ATP8A2: variants seen among roughly 807,000 people sequenced by gnomAD.
ATP8A2 encodes the protein ATPase phospholipid transporting 8A2, also known as phospholipid-transporting ATPase IB.
Under a neutral mutation model 165.6 loss-of-function variants are expected in ATP8A2, and 100 were observed. That is an observed-to-expected ratio of 0.60 (90% CI 0.51 to 0.71). ATP8A2 has a LOEUF of 0.71. Among genes scored for constraint, ATP8A2 ranks in the 30% least tolerant of loss-of-function variants. The probability of loss-of-function intolerance (pLI) is 0.00; values close to 1 mark genes in which losing one functional copy is unlikely to be tolerated. For missense variants in ATP8A2, 1,227 were observed against 1,479.5 expected, an observed-to-expected ratio of 0.83 and a Z score of 2.80; for synonymous variants, 543 against 548.8, an observed-to-expected ratio of 0.99 and a Z score of 0.15.
intron 2 of ATP8A2, among the ~76,000 whole-genome samples, chr13:25,504,802 T>C (rs1215649648): frequency 6.6e-6 from 1 of 151,268 alleles, no homozygotes; most frequent in Non-Finnish European, 1.5e-5. Flanking sequence ...CTTTATAGTG[T>C]GATGGGAAAG....
intron 25 of ATP8A2, among the ~76,000 whole-genome samples, chr13:25,704,933 C>T (rs2043024924): frequency 6.6e-6 from 1 of 152,096 alleles, no homozygotes; most frequent in South Asian, 2.1e-4. Flanking sequence ...CATTGTCACA[C>T]GTTTATTACT....
At chr13:25,712,454 G>T (rs1457199666) in intron 25 of ATP8A2, among the ~76,000 whole-genome samples, 1 of 152,186 alleles carries the variant, frequency 6.6e-6, no homozygotes, top group Non-Finnish European at 1.5e-5. Context: ...GGAAGGTGAA[G>T]GATTCTCCCA....
At chr13:25,682,743 C>T (rs2042518800) in intron 24 of ATP8A2, among the ~76,000 whole-genome samples, 1 of 152,138 alleles carries the variant, frequency 6.6e-6, no homozygotes, top group African/African-American at 2.4e-5. Flanking sequence ...TATTGGTTTA[C>T]AACAACATTA....
intron 24 of ATP8A2, among the ~76,000 whole-genome samples, chr13:25,591,635 A>G (rs1169504244): frequency 1.4e-4 from 19 of 133,194 alleles, no homozygotes; most frequent in Middle Eastern, 9.5e-3. Flanking sequence ...GCCAGGTTGG[A>G]GTGCTGTGCC....
chr13:25,493,512 A>G (rs2036585647), intron 2 of ATP8A2, among the ~76,000 whole-genome samples: 1 of 152,128 alleles, frequency 6.6e-6, no homozygotes. Context: ...GGCTTAGTTG[A>G]GAAAGCTCAC....
rs1955431953 is a variant in ATP8A2, at chr13:25,953,539, AAAAAAAAG to A, written c.3184-8035_3184-8028del. Among the ~76,000 whole-genome samples the A allele has an allele frequency of 7.1e-6, 1 of 141,742 alleles. No homozygotes were observed. Among genetic ancestry groups the A allele is most frequent in the Non-Finnish European group, 1.5e-5 (1 of 64,522 alleles). 93.0% of individuals were successfully genotyped at this position (141,742 alleles called of 152,430 possible). On this transcript the variant is annotated intron_variant, in intron 33 of 36. Coordinates refer to ENST00000381655, the MANE Select transcript of ATP8A2 (RefSeq NM_016529.6). The surrounding 1 kb of genome is among the most constrained non-coding windows in gnomAD (Gnocchi z 6.7). ...AGCCTTTTTAAAAAAAAAAAAAAAA[AAAAAAAAG>A]CAAGGGAAATAGGCAAGACGGCCAA... is the stretch of plus-strand genomic sequence containing the variant.
rs556851957 is a variant in ATP8A2 at position 25,438,968 on chromosome 13, A to G, written c.77-30009A>G. Among the ~76,000 whole-genome samples, 7 of 152,344 alleles carry G rather than the reference A, an allele frequency of 4.6e-5. No individual in the cohort carries two copies. The South Asian group carries it at 1.2e-3, about 27-fold the overall frequency. On this transcript the variant is annotated intron_variant, in intron 1 of 36. Coordinates refer to ENST00000381655, the MANE Select transcript of ATP8A2 (RefSeq NM_016529.6). ...GAATATATTTGGCTCAGACCCTTTA[A>G]GAATTCAAAGTGGAAAGGAGGCATG...
intron 35 of ATP8A2, among the ~76,000 whole-genome samples, chr13:26,001,555 T>A (rs1000822696): frequency 3.9e-5 from 6 of 152,338 alleles, no homozygotes; most frequent in Middle Eastern, 3.4e-3. Context: ...GGGGTTTTTT[T>A]AATAGCCATC....
chr13:25,616,595 G>T (rs2040834091), intron 24 of ATP8A2, among the ~76,000 whole-genome samples: 1 of 152,110 alleles, frequency 6.6e-6, no homozygotes. Context: ...GCCTCCCAAA[G>T]TGCTGGGATT....
intron 7 of ATP8A2, among the ~76,000 whole-genome samples, chr13:25,539,568 T>C (rs1361254551): frequency 6.6e-6 from 1 of 152,152 alleles, no homozygotes; most frequent in Non-Finnish European, 1.5e-5. Flanking sequence ...CTGGATAGCC[T>C]TCTTTTGTAC....
intron 2 of ATP8A2, among the ~76,000 whole-genome samples, chr13:25,479,896 C>G (rs368953679): frequency 1.3e-5 from 2 of 151,922 alleles, no homozygotes; most frequent in Non-Finnish European, 2.9e-5. Context: ...TACTTCTTTC[C>G]ACACAGACAC....
chr13:25,580,894 G>C (rs1364507126), intron 22 of ATP8A2, among the ~76,000 whole-genome samples: 1 of 151,294 alleles, frequency 6.6e-6, no homozygotes, highest in Non-Finnish European at 1.5e-5. Flanking sequence ...TTCCTTTGTT[G>C]GTTTAAAAAA....
chr13:25,710,666 C>G (rs1780317217), intron 25 of ATP8A2, among the ~76,000 whole-genome samples: 1 of 152,130 alleles, frequency 6.6e-6, no homozygotes, highest in Admixed American at 6.5e-5. Context: ...TGGGTGAACA[C>G]AAATGGCACA....
At chr13:25,922,142 T>A (rs1275256858) in intron 33 of ATP8A2, among the ~76,000 whole-genome samples, 1 of 152,176 alleles carries the variant, frequency 6.6e-6, no homozygotes, top group Non-Finnish European at 1.5e-5. Flanking sequence ...CAATAAAAGT[T>A]CTCCTTACCC....
intron 24 of ATP8A2, among the ~76,000 whole-genome samples, chr13:25,680,522 GC>G (rs1253091536): frequency 4.6e-5 from 7 of 152,188 alleles, no homozygotes; most frequent in Admixed American, 1.3e-4. Context: ...GGTTGTTGCA[GC>G]CCTGGGAAAC....
intron 27 of ATP8A2, among the ~76,000 whole-genome samples, chr13:25,807,800 A>C (rs1950774274): frequency 6.6e-6 from 1 of 152,154 alleles, no homozygotes; most frequent in Admixed American, 6.5e-5. Context: ...TGCACTCGAG[A>C]AGCCAGAAGT....
intron 1 of ATP8A2, among the ~76,000 whole-genome samples, chr13:25,443,130 C>CT (rs1488317948): frequency 6.6e-6 from 1 of 152,142 alleles, no homozygotes; most frequent in Non-Finnish European, 1.5e-5. Flanking sequence ...ATTCAATAGA[C>CT]TGTTTTTTAC....
intron 13 of ATP8A2, among the ~76,000 whole-genome samples, chr13:25,558,448 T>C (rs529931929): frequency 8.7e-4 from 133 of 152,342 alleles, no homozygotes; most frequent in African/African-American, 3.1e-3. Context: ...ATGTTTATAT[T>C]GTATCATTAA....
At chr13:25,570,388 C>A (rs892392885) in intron 16 of ATP8A2, among the ~76,000 whole-genome samples, 6 of 151,858 alleles carry the variant, frequency 4.0e-5, no homozygotes, top group African/African-American at 1.5e-4. Context: ...AGTGGAAGCA[C>A]GTGGTGAAGT....
Sources: allele counts gnomAD v4.1 joint callset (sites outside exome capture counted in the v4.1 genomes callset), GRCh38; gene constraint gnomAD v4.1.1; non-coding constraint Gnocchi (gnomAD v3.1); transcripts MANE v1.5; gene names NCBI Gene and HGNC (gene_info 2026-07-23, HGNC 2026-07-21).